The following MPDZ variants were observed in gnomAD, a reference collection of about 807,000 sequenced individuals.
MPDZ encodes the protein multiple PDZ domain crumbs cell polarity complex component.
MPDZ carries 234 observed loss-of-function variants against 239.1 expected under a neutral mutation model. That is an observed-to-expected ratio of 0.98 (90% CI 0.88 to 1.09). The LOEUF (loss-of-function observed/expected upper bound fraction) is 1.09, where lower values mean the gene tolerates loss of function less well. MPDZ is among the 50% of genes least tolerant of loss of function. The pLI is 0.00. For synonymous variants in MPDZ, 1,048 were observed against 881.3 expected (o/e 1.19, Z -3.35); for missense variants, 3,175 against 2,510.0 (o/e 1.26, Z -5.66).
intron 45 of MPDZ, 122 bp from the exon 46 acceptor site, chr9:13,109,181 A>G: frequency 8.6e-6 from 7 of 811,850 alleles, no homozygotes; most frequent in African/African-American, 1.8e-5. Context: ...GACAAGGAGT[A>G]TATTACGGGT....
chr9:13,151,777 G>A (rs1949207871), intron 24 of MPDZ, among the ~76,000 whole-genome samples: 1 of 151,944 alleles, frequency 6.6e-6, no homozygotes, highest in Non-Finnish European at 1.5e-5. Context: ...ACTTACAAAT[G>A]GTTAGGATGG....
At chr9:13,176,470 C>T in intron 19 of MPDZ, 53 bp from the exon 20 acceptor site, 1 of 1,371,122 alleles carries the variant, frequency 7.3e-7, no homozygotes, top group East Asian at 2.5e-5. Flanking sequence ...ACCAGAATTA[C>T]ATCAATATAT....
chr9:13,140,274 G>T (rs1947454123), intron 27 of MPDZ, 125 bp from the exon 28 acceptor site: 1 of 678,868 alleles, frequency 1.5e-6, no homozygotes, highest in Non-Finnish European at 2.3e-6. Flanking sequence ...ATAATGGAAA[G>T]CTCATATATG....
chr9:13,126,793 A>C, intron 32 of MPDZ, 21 bp from the exon 33 acceptor site: 6 of 1,593,876 alleles, frequency 3.8e-6, no homozygotes, highest in Non-Finnish European at 5.2e-6. Flanking sequence ...AAAAACAAAA[A>C]TGCTCAGAAG....
chr9:13,263,160 G>A (rs1482471669), intron 1 of MPDZ, among the ~76,000 whole-genome samples: 1 of 152,008 alleles, frequency 6.6e-6, no homozygotes, highest in African/African-American at 2.4e-5. Context: ...AAGGGACAAG[G>A]GAAATGTCTG....
intron 22 of MPDZ, among the ~76,000 whole-genome samples, chr9:13,163,502 A>T (rs1950701820): frequency 6.6e-6 from 1 of 152,208 alleles, no homozygotes; most frequent in African/African-American, 2.4e-5. Context: ...ACACTGTGCC[A>T]GATGCTGACT....
In MPDZ at chr9:13,188,773, T is replaced by C; in HGVS notation, c.2364+11A>G. Reference sequence around the variant, plus strand: ...AAATATAAAGGGAAGCAATAAAGTCTGAATTCTTACGGGTAAAGGCTTAGC... The same window carrying C: ...AAATATAAAGGGAAGCAATAAAGTCCGAATTCTTACGGGTAAAGGCTTAGC... On this transcript the variant is annotated intron_variant, in intron 17 of 46. Transcript: ENST00000319217. 1 of 1,606,960 alleles carries C rather than the reference T, an allele frequency of 6.2e-7. No individual in the cohort carries two copies. The highest frequency in any genetic ancestry group is 2.2e-5 in the East Asian group (1 of 44,692).
chr9:13,109,275 C>T (rs1392041531), intron 45 of MPDZ, among the ~76,000 whole-genome samples: 1 of 152,062 alleles, frequency 6.6e-6, no homozygotes, highest in African/African-American at 2.4e-5. Flanking sequence ...ACTTAACACC[C>T]TAATTCTATT....
chr9:13,195,848 G>C (rs1467817787), intron 13 of MPDZ, among the ~76,000 whole-genome samples: 1 of 152,008 alleles, frequency 6.6e-6, no homozygotes. Flanking sequence ...CCTTCCTTGT[G>C]TCTATATTAT....
intron 3 of MPDZ, among the ~76,000 whole-genome samples, chr9:13,233,354 A>G (rs1045053039): frequency 1.3e-5 from 2 of 152,166 alleles, no homozygotes; most frequent in African/African-American, 2.4e-5. Flanking sequence ...AACTACTACT[A>G]CACATACAAT....
Position 13,225,409 on chromosome 9 carries a change from AT to A in MPDZ, c.184-827del, listed in dbSNP as rs573225401. 1.1e-3 allele frequency among the ~76,000 whole-genome samples: 162 copies of A among 151,938 alleles called. 1 individual carries two copies. The highest frequency in any genetic ancestry group is 1.8e-3 in the Non-Finnish European group (124 of 67,950). On this transcript the variant is annotated intron_variant, in intron 3 of 46. Coordinates refer to ENST00000319217, the MANE Select transcript of MPDZ (RefSeq NM_001378778.1). Reference sequence around the variant, plus strand: ...AAGTTACCAATAACTCAACCATTATATTGGCTATCTAGTAGCATACAGTATA... The same window carrying A: ...AAGTTACCAATAACTCAACCATTATATGGCTATCTAGTAGCATACAGTATA...
In MPDZ at chr9:13,112,283, G is replaced by A. The variant is rs537662583; in HGVS notation, c.5602-137C>T. On this transcript the variant is annotated intron_variant, in intron 42 of 46. Coordinates refer to ENST00000319217, the MANE Select transcript of MPDZ (RefSeq NM_001378778.1). ...GAAAATGAAGAAGTGCAAGAAAACT[G>A]CATTACTTTACTTGACACAGGTGCT... 111 of 852,970 alleles carry A rather than the reference G, an allele frequency of 1.3e-4. No homozygotes were observed. The African/African-American group carries it at 1.7e-3, about 13-fold the overall frequency. 52.8% of individuals were successfully genotyped at this position (852,970 alleles called of 1,614,324 possible).
chr9:13,136,833 C>A (rs1429031352), intron 29 of MPDZ, 30 bp from the exon 30 acceptor site: 6 of 1,391,964 alleles, frequency 4.3e-6, no homozygotes, highest in Admixed American at 1.9e-5. Context: ...TTAGTTGGGC[C>A]TGAAATCTTA....
intron 3 of MPDZ, among the ~76,000 whole-genome samples, chr9:13,242,090 C>T (rs1393957603): frequency 6.6e-6 from 1 of 151,638 alleles, no homozygotes; most frequent in Non-Finnish European, 1.5e-5. Flanking sequence ...ATGCTGTATT[C>T]TTAGAATTAG....
chr9:13,271,264 A>G (rs1972891773), intron 1 of MPDZ, among the ~76,000 whole-genome samples: 1 of 152,236 alleles, frequency 6.6e-6, no homozygotes, highest in Admixed American at 6.5e-5. Context: ...TGAATTTAAG[A>G]AGACTGAGAA....
chr9:13,137,439 C>A (rs1040572604), intron 29 of MPDZ, among the ~76,000 whole-genome samples: 66 of 152,244 alleles, frequency 4.3e-4, no homozygotes, highest in African/African-American at 1.6e-3. Flanking sequence ...CCAGGAGGGG[C>A]AAGGACAAAC....
intron 5 of MPDZ, 61 bp downstream of exon 5, chr9:13,223,510 T>A: frequency 6.5e-7 from 1 of 1,527,684 alleles, no homozygotes; most frequent in South Asian, 1.3e-5. Context: ...AATTCCTGCA[T>A]AGTAACCAAA....
intron 3 of MPDZ, among the ~76,000 whole-genome samples, chr9:13,235,143 T>A (rs544790246): frequency 6.6e-6 from 1 of 152,096 alleles, no homozygotes; most frequent in South Asian, 2.1e-4. Flanking sequence ...TGCACAGTAA[T>A]TGATGGTGGC....
intron 24 of MPDZ, among the ~76,000 whole-genome samples, chr9:13,156,324 A>C (rs181213635): frequency 1.3e-5 from 2 of 152,302 alleles, no homozygotes; most frequent in Admixed American, 1.3e-4. Flanking sequence ...CTTCTGTATT[A>C]ATCCTTTTTC....
Sources: gnomAD v4.1 joint callset for allele counts (sites outside exome capture counted in the v4.1 genomes callset) on GRCh38, gnomAD v4.1.1 for gene constraint, MANE v1.5 for transcripts, NCBI Gene and HGNC (gene_info 2026-07-23, HGNC 2026-07-21) for gene names.